Variants in PALLD observed in about 807,000 individuals in gnomAD.
PALLD encodes the protein palladin.
In PALLD, 61 loss-of-function variants were observed where a neutral mutation model predicts 123.5. The ratio of observed to expected loss-of-function variants is 0.49; its 90% CI spans 0.40 to 0.61. The LOEUF is 0.61. Ranked by LOEUF, PALLD falls within the 20% of genes least tolerant of loss-of-function variation. The probability of loss-of-function intolerance (pLI) is 0.00; values close to 1 mark genes in which losing one functional copy is unlikely to be tolerated. For synonymous variants in PALLD, 465 were observed against 496.4 expected (o/e 0.94, Z 0.84); for missense variants, 1,273 against 1,377.0 (o/e 0.92, Z 1.20).
At chr4:168,579,672 G>A (rs1252482297) in intron 2 of PALLD, among the ~76,000 whole-genome samples, 1 of 151,594 alleles carries the variant, frequency 6.6e-6, no homozygotes, top group Non-Finnish European at 1.5e-5. Context: ...AGCTTAACGG[G>A]GCATTGTTTT....
intron 11 of PALLD, among the ~76,000 whole-genome samples, chr4:168,892,071 C>T (rs1032590154): frequency 6.6e-6 from 1 of 152,158 alleles, no homozygotes. Context: ...AAGATGTTTT[C>T]TCCACTGGAT....
At chr4:168,906,928 T>C (rs1255295850) in intron 15 of PALLD, among the ~76,000 whole-genome samples, 1 of 152,132 alleles carries the variant, frequency 6.6e-6, no homozygotes, top group East Asian at 1.9e-4. Context: ...ATACCAAGAT[T>C]GTAGGGCAAC....
intron 19 of PALLD, among the ~76,000 whole-genome samples, 178 bp from the exon 20 acceptor site, chr4:168,924,767 C>T (rs1431071239): frequency 2.0e-5 from 3 of 152,194 alleles, no homozygotes; most frequent in Admixed American, 6.5e-5. Flanking sequence ...CAACTCTTGA[C>T]GTCTGTTCTT....
intron 10 of PALLD, among the ~76,000 whole-genome samples, chr4:168,766,722 C>T (rs1016836343): frequency 2.0e-5 from 3 of 152,222 alleles, no homozygotes; most frequent in African/African-American, 4.8e-5. Context: ...GGAGAAGTCA[C>T]TGCGCCTTAG....
intron 2 of PALLD, among the ~76,000 whole-genome samples, chr4:168,596,173 T>C (rs1771954291): frequency 6.6e-6 from 1 of 152,152 alleles, no homozygotes; most frequent in South Asian, 2.1e-4. Flanking sequence ...GTTCTGTGGA[T>C]TTCAAGATGA....
intron 15 of PALLD, among the ~76,000 whole-genome samples, chr4:168,908,562 G>GAC (rs1446359703): frequency 6.6e-6 from 1 of 152,086 alleles, no homozygotes; most frequent in African/African-American, 2.4e-5. Context: ...AAGTGTAGTT[G>GAC]ACAGAAAACT....
intron 18 of PALLD, 21 bp downstream of exon 18, chr4:168,921,762 T>C (rs762564668): frequency 1.9e-6 from 3 of 1,570,088 alleles, no homozygotes; most frequent in Non-Finnish European, 2.6e-6. Context: ...CTGTGAATCC[T>C]TGCTCTCTGA....
intron 1 of PALLD, among the ~76,000 whole-genome samples, chr4:168,503,472 C>A (rs1225785243): frequency 6.6e-6 from 1 of 151,886 alleles, no homozygotes; most frequent in African/African-American, 2.4e-5. Context: ...CAAGGGGAAA[C>A]CCTGTCTCTA....
At chr4:168,830,529 CAA>C (rs5863962) in intron 10 of PALLD, among the ~76,000 whole-genome samples, 28 of 145,736 alleles carry the variant, frequency 1.9e-4, no homozygotes, top group Non-Finnish European at 2.0e-4. Flanking sequence ...GACCCTGTCT[CAA>C]AAAAAAAAAA....
At chr4:168,684,065 A>G (rs1397844220) in intron 5 of PALLD, among the ~76,000 whole-genome samples, 1 of 152,142 alleles carries the variant, frequency 6.6e-6, no homozygotes. Flanking sequence ...ATCAGTGGGC[A>G]TTTTTTGGTA....
Position 168,659,915 on chromosome 4 carries a change from T to C in PALLD, c.909-8275T>C, listed in dbSNP as rs1778968168. On this transcript the variant is annotated intron_variant, in intron 2 of 21. Transcript: ENST00000505667. ...AAAATAGATACTGCTAGTCAACTTGTAAGCCAAGCAATGCCATATGTGATT... is the reference window on the plus strand; with the variant it reads ...AAAATAGATACTGCTAGTCAACTTGCAAGCCAAGCAATGCCATATGTGATT... Among the ~76,000 whole-genome samples, 3 of 152,234 alleles carry C rather than the reference T, an allele frequency of 2.0e-5. No individual in the cohort carries two copies. The South Asian group carries it at 6.2e-4, about 31-fold the overall frequency.
At chr4:168,611,758 G>C (rs1164996160) in intron 2 of PALLD, among the ~76,000 whole-genome samples, 2 of 152,016 alleles carry the variant, frequency 1.3e-5, no homozygotes, top group Non-Finnish European at 2.9e-5. Flanking sequence ...TCTTCTTTCT[G>C]GTAGTACATG....
At chr4:168,648,859 C>T (rs1410663312) in intron 2 of PALLD, 1 of 152,120 alleles carries the variant, frequency 6.6e-6, no homozygotes, top group Non-Finnish European at 1.5e-5. Flanking sequence ...TCTCTCTCAC[C>T]CTGCTCCCAT....
chr4:168,525,030 G>A (rs759312397), intron 2 of PALLD, among the ~76,000 whole-genome samples: 3 of 152,032 alleles, frequency 2.0e-5, no homozygotes, highest in South Asian at 2.1e-4. Context: ...CTTGTAATCC[G>A]TTATAGTACC....
intron 3 of PALLD, among the ~76,000 whole-genome samples, chr4:168,672,494 T>C (rs1780383416): frequency 6.6e-6 from 1 of 151,960 alleles, no homozygotes; most frequent in African/African-American, 2.4e-5. Context: ...AGTCTCGCTC[T>C]GTCACCCAGG....
chr4:168,761,443 A>G (rs1377719050), intron 10 of PALLD, among the ~76,000 whole-genome samples: 1 of 151,930 alleles, frequency 6.6e-6, no homozygotes, highest in African/African-American at 2.4e-5. Flanking sequence ...CTTTCTTTGT[A>G]AGGTAGCTAG....
At position 168,683,219 on chromosome 4, in the gene PALLD, G is replaced by A. The variant is rs1215104683; in HGVS notation, c.1260+116G>A. ...TACTCCCTTGAAATATTTTCTAAGT[G>A]GACACAAAATTCAGAGCAAAGAAAA... is the stretch of plus-strand genomic sequence containing the variant. On this transcript the variant is annotated intron_variant, in intron 5 of 21. Coordinates refer to ENST00000505667, the MANE Select transcript of PALLD (RefSeq NM_001166108.2). The A allele has an allele frequency of 8.3e-6, 5 of 603,084 alleles. No homozygotes were observed. In the Admixed American group the frequency reaches 9.6e-5, roughly 12 times the overall value. 37.4% of individuals were successfully genotyped at this position (603,084 alleles called of 1,614,324 possible).
At chr4:168,835,490 A>G (rs1281270832) in intron 10 of PALLD, among the ~76,000 whole-genome samples, 1 of 152,122 alleles carries the variant, frequency 6.6e-6, no homozygotes, top group Non-Finnish European at 1.5e-5. Context: ...GAAGGTGAGG[A>G]TTTGTTCCAG....
At chr4:168,521,642 T>C (rs1219632561) in intron 2 of PALLD, among the ~76,000 whole-genome samples, 1 of 152,252 alleles carries the variant, frequency 6.6e-6, no homozygotes, top group Non-Finnish European at 1.5e-5. Flanking sequence ...AAAATCTTCA[T>C]ACTGCCATTT....
Sources: allele counts gnomAD v4.1 joint callset (sites outside exome capture counted in the v4.1 genomes callset), GRCh38; gene constraint gnomAD v4.1.1; transcripts MANE v1.5; gene names NCBI Gene and HGNC (gene_info 2026-07-23, HGNC 2026-07-21).